The following ARID1A variants were observed in gnomAD, a reference collection of about 807,000 sequenced individuals.
The protein encoded by ARID1A is AT-rich interactive domain-containing protein 1A.
In ARID1A, 20 loss-of-function variants were observed where a neutral mutation model predicts 212.6. The ratio of observed to expected loss-of-function variants is 0.09; its 90% confidence interval spans 0.07 to 0.14. The LOEUF (loss-of-function observed/expected upper bound fraction) is 0.14. ARID1A is among the 10% of genes least tolerant of loss of function. The pLI, the probability that ARID1A is intolerant of heterozygous loss-of-function variation, is 1.00. For missense variants in ARID1A, 2,587 were observed against 3,059.0 expected, an observed-to-expected ratio of 0.85 and a Z score of 3.64; for synonymous variants, 1,376 against 1,222.1, an observed-to-expected ratio of 1.13 and a Z score of -2.63.
chr1:26,741,864 T>A (rs1460541334), intron 4 of ARID1A, among the ~76,000 whole-genome samples: 2 of 152,254 alleles, frequency 1.3e-5, no homozygotes, highest in Admixed American at 1.3e-4. Context: ...CGCTGAGATC[T>A]TGGAATTACA....
chr1:26,731,914 A>G (rs2080682422), intron 3 of ARID1A, among the ~76,000 whole-genome samples: 1 of 152,184 alleles, frequency 6.6e-6, no homozygotes, highest in African/African-American at 2.4e-5. Flanking sequence ...TTTGTAAATC[A>G]ACATCAGAAC....
chr1:26,741,655 G>A (rs2080789376), intron 4 of ARID1A, among the ~76,000 whole-genome samples: 1 of 152,198 alleles, frequency 6.6e-6, no homozygotes, highest in Admixed American at 6.5e-5. Context: ...CTTAAAGACT[G>A]TTGTTGAAGA....
chr1:26,707,497 A>G (rs2124758535), intron 1 of ARID1A, among the ~76,000 whole-genome samples: 1 of 151,280 alleles, frequency 6.6e-6, no homozygotes, highest in African/African-American at 2.4e-5. Flanking sequence ...ATAAGCCACC[A>G]CGCCCGGCCT....
intron 8 of ARID1A, 42 bp downstream of exon 8, chr1:26,763,327 G>A (rs2081009903): frequency 6.5e-7 from 1 of 1,534,064 alleles, no homozygotes; most frequent in Non-Finnish European, 8.8e-7. Context: ...GCAAGAAAAT[G>A]TATTATAGAC....
In ARID1A at chr1:26,720,977, A is replaced by C. The variant is rs562959046; in HGVS notation, c.1138-8674A>C. On this transcript the variant is annotated intron_variant, in intron 1 of 19. Transcript: ENST00000324856. ...GAGTAGCTGAGGAGGTTGAGGTTCA[A>C]CCTGGTTGATTGTCTTGACCACTCC... Among the ~76,000 whole-genome samples the C allele has an allele frequency of 1.2e-4, 18 of 152,200 alleles. No homozygotes were observed. In the East Asian group the frequency reaches 3.1e-3, roughly 26 times the overall value.
intron 2 of ARID1A, among the ~76,000 whole-genome samples, chr1:26,730,897 G>A (rs941954358): frequency 1.3e-5 from 2 of 152,148 alleles, no homozygotes; most frequent in Non-Finnish European, 2.9e-5. Context: ...AACTTATGTT[G>A]CCCAAATAGT....
At chr1:26,708,364 A>G (rs1183951459) in intron 1 of ARID1A, among the ~76,000 whole-genome samples, 2 of 125,164 alleles carry the variant, frequency 1.6e-5, no homozygotes, top group African/African-American at 3.1e-5. Flanking sequence ...GGCTCACTGT[A>G]ACCTCTGCCT....
chr1:26,730,962 A>G (rs900333689), intron 2 of ARID1A, among the ~76,000 whole-genome samples, 190 bp from the exon 3 acceptor site: 2 of 152,196 alleles, frequency 1.3e-5, no homozygotes, highest in African/African-American at 4.8e-5. Context: ...CAAACCACCT[A>G]AAAACCCAGC....
chr1:26,722,952 G>A (rs1467582730), intron 1 of ARID1A, among the ~76,000 whole-genome samples: 3 of 152,088 alleles, frequency 2.0e-5, no homozygotes, highest in Non-Finnish European at 2.9e-5. Context: ...CAAGATGAAG[G>A]TAGTCTCCTT....
chr1:26,762,536 G>A (rs763629503), intron 7 of ARID1A, among the ~76,000 whole-genome samples: 1 of 152,136 alleles, frequency 6.6e-6, no homozygotes, highest in Non-Finnish European at 1.5e-5. Context: ...CTGAGCCTCT[G>A]TTTCATTTAT....
At chr1:26,704,526 A>G (rs949159566) in intron 1 of ARID1A, among the ~76,000 whole-genome samples, 1 of 152,192 alleles carries the variant, frequency 6.6e-6, no homozygotes, top group South Asian at 2.1e-4. Context: ...AAGCCTGCAC[A>G]TATGCAGTCT....
At chr1:26,775,803 T>G in intron 19 of ARID1A, 96 bp downstream of exon 19, 3 of 1,566,496 alleles carry the variant, frequency 1.9e-6, no homozygotes, top group Non-Finnish European at 2.6e-6. Flanking sequence ...GGTCTTTCTC[T>G]TTCTCTCTTG....
intron 1 of ARID1A, among the ~76,000 whole-genome samples, chr1:26,723,143 A>G (rs185903485): frequency 2.0e-5 from 3 of 152,276 alleles, no homozygotes; most frequent in Non-Finnish European, 4.4e-5. Flanking sequence ...GAGAAGGGAC[A>G]ATGAGAATGA....
chr1:26,771,723 G>T lies in ARID1A; in HGVS notation c.3406+397G>T. ...CCTGAATTCCCCAGGGAGCTGAGATGGTAATGAATGGGAAGGAGGGAGTGG... is the reference window on the plus strand; with the variant it reads ...CCTGAATTCCCCAGGGAGCTGAGATTGTAATGAATGGGAAGGAGGGAGTGG... On this transcript the variant is annotated intron_variant, in intron 12 of 19. Transcript: ENST00000324856. This position sits in a 1 kb window ranked among gnomAD's most constrained non-coding sequence, Gnocchi z 5.4. 4.7e-6 allele frequency: 1 copy of T among 212,536 alleles called. No individual in the cohort carries two copies. The allele number at this position is 212,536 out of a possible 1,614,324, so 13.2% of individuals were successfully genotyped here. A position where few individuals can be genotyped will look rare whatever the true frequency, so the allele number is the denominator to read the frequency against.
intron 11 of ARID1A, 182 bp from the exon 12 acceptor site, chr1:26,770,937 G>T: frequency 6.6e-6 from 4 of 610,586 alleles, no homozygotes; most frequent in Non-Finnish European, 1.1e-5. Flanking sequence ...AGGGTAAAAT[G>T]AAGCCAGCTG....
At position 26,773,407 on chromosome 1, in the gene ARID1A, C is replaced by G. The variant is rs761110211; in HGVS notation, c.3777C>G (p.Pro1259=). Residue 1259 remains proline, a synonymous_variant, in exon 15 of 20, where the codon CCC becomes CCG. Transcript: ENST00000324856. The part of the protein sequence containing the change: ...GQGPNGGMGD[P]YSRAAGPGLG... ...GCCCCAACGGCGGGATGGGTGACCCCTACAGTCGTGCTGCCGGCCCTGGGC... is the reference window on the plus strand; with the variant it reads ...GCCCCAACGGCGGGATGGGTGACCCGTACAGTCGTGCTGCCGGCCCTGGGC... 3.1e-6 allele frequency: 5 copies of G among 1,613,098 alleles called. No individual in the cohort carries two copies. The highest frequency in any genetic ancestry group is 4.2e-6 in the Non-Finnish European group (5 of 1,179,416).
chr1:26,775,778 A>T (rs768364651), intron 19 of ARID1A, 71 bp downstream of exon 19: 2 of 1,595,152 alleles, frequency 1.3e-6, no homozygotes, highest in Non-Finnish European at 1.7e-6. Context: ...GGAATGTCTC[A>T]TCTTTAGCCA....
chr1:26,772,420 T>G, intron 12 of ARID1A, 80 bp from the exon 13 acceptor site: 1 of 1,594,394 alleles, frequency 6.3e-7, no homozygotes, highest in Non-Finnish European at 8.6e-7. Flanking sequence ...CCAAAGAGAT[T>G]CTGGGTCGTT....
At chr1:26,760,711 T>C in intron 4 of ARID1A, 145 bp from the exon 5 acceptor site, 1 of 841,624 alleles carries the variant, frequency 1.2e-6, no homozygotes, top group South Asian at 3.3e-5. Context: ...TTTTTTTTAA[T>C]AAAAATAGTA....
Sources: allele counts gnomAD v4.1 joint callset (sites outside exome capture counted in the v4.1 genomes callset), GRCh38; gene constraint gnomAD v4.1.1; non-coding constraint Gnocchi (gnomAD v3.1); transcripts MANE v1.5; gene names NCBI Gene and HGNC (gene_info 2026-07-23, HGNC 2026-07-21).